FANCB: variants seen among roughly 807,000 people sequenced by gnomAD.
The protein encoded by FANCB is FA complementation group B, also known as Fanconi anemia group B protein.
In FANCB, 5 loss-of-function variants were observed where a neutral mutation model predicts 38.9. The ratio of observed to expected loss-of-function variants is 0.13; its 90% CI spans 0.07 to 0.27. The LOEUF (loss-of-function observed/expected upper bound fraction) is 0.27, where lower values mean the gene tolerates loss of function less well. FANCB is among the 10% of genes least tolerant of loss of function. The pLI is 1.00. For missense variants in FANCB, 573 were observed against 602.7 expected, an observed-to-expected ratio of 0.95 and a Z score of 0.52; for synonymous variants, 236 against 215.4, an observed-to-expected ratio of 1.10 and a Z score of -0.84.
the FANCB span, among the ~76,000 whole-genome samples, chrX:14,777,685 C>T: frequency 3.6e-5 from 4 of 112,132 alleles, no homozygotes; most frequent in Non-Finnish European, 5.6e-5. Flanking sequence ...GACTCATTAG[C>T]ATCACAGTAA....
chrX:14,716,465 G>C, the FANCB span, among the ~76,000 whole-genome samples: 4 of 111,778 alleles, frequency 3.6e-5, no homozygotes, highest in African/African-American at 9.8e-5. Flanking sequence ...TGAGGGAAGA[G>C]ATTGATCCAG....
chrX:14,835,071 T>C (rs1344261049), downstream of FANCB: 3 of 557,434 alleles, frequency 5.4e-6, no homozygotes, highest in Non-Finnish European at 6.4e-6. Context: ...AAGCTTTGGC[T>C]GTACAGACAT....
At chrX:14,870,374 G>T (rs933068861) in intron 1 of FANCB, among the ~76,000 whole-genome samples, 11 of 110,626 alleles carry the variant, frequency 9.9e-5, no homozygotes, top group African/African-American at 3.6e-4. Context: ...TGGGCTATTT[G>T]ACTTTTTACT....
chrX:14,871,104 T>C lies in FANCB; in HGVS notation c.-192+1882A>G, dbSNP rs146354192. On this transcript the variant is annotated intron_variant, in intron 1 of 9. Transcript: ENST00000650831. The stretch of plus-strand genomic sequence containing the variant: ...TCACCTTTTTCAACATTATCTAATA[T>C]GCCTGAAATGTGAGTAAATGCGGGA... Among the ~76,000 whole-genome samples, 3 of 111,127 alleles carry C rather than the reference T, an allele frequency of 2.7e-5. No homozygotes were observed. In the East Asian group the frequency reaches 8.3e-4, roughly 31 times the overall value.
At chrX:14,872,641 C>G (rs2092504766) in intron 1 of FANCB, among the ~76,000 whole-genome samples, 1 of 86,468 alleles carries the variant, frequency 1.2e-5, no homozygotes. Flanking sequence ...AACCGCCCCC[C>G]CCACACACAC....
At chrX:14,745,936 G>A in the FANCB span, among the ~76,000 whole-genome samples, 4 of 109,391 alleles carry the variant, frequency 3.7e-5, no homozygotes, top group African/African-American at 1.0e-4. Context: ...TCCTGACCTC[G>A]TGATCTGCCC....
chrX:14,850,039 T>C (rs1268902878), intron 7 of FANCB, among the ~76,000 whole-genome samples: 3 of 112,515 alleles, frequency 2.7e-5, no homozygotes, highest in Non-Finnish European at 1.9e-5. Context: ...TTTGGATATA[T>C]TGGGTTAAAT....
At chrX:14,738,243 AT>A in the FANCB span, among the ~76,000 whole-genome samples, 3 of 112,581 alleles carry the variant, frequency 2.7e-5, no homozygotes, top group African/African-American at 9.7e-5. Flanking sequence ...CAGAGAAAAT[AT>A]TTTGAGTACC....
At chrX:14,707,328 C>T in the FANCB span, among the ~76,000 whole-genome samples, 2 of 111,558 alleles carry the variant, frequency 1.8e-5, no homozygotes, top group Admixed American at 9.5e-5. Flanking sequence ...TCAGTTTCTT[C>T]ATCTGTAGAA....
intron 6 of FANCB, among the ~76,000 whole-genome samples, chrX:14,852,218 G>C (rs1298188878): frequency 9.3e-6 from 1 of 107,306 alleles, no homozygotes; most frequent in Non-Finnish European, 1.9e-5. Flanking sequence ...ACCCAGGCTG[G>C]AGTGCAATGG....
downstream of FANCB, among the ~76,000 whole-genome samples, chrX:14,838,626 T>TTAC (rs111974814): frequency 0.083 from 9,210 of 111,541 alleles, 859 homozygotes; most frequent in African/African-American, 0.26. Context: ...CATAACCAAA[T>TTAC]TGAGTCATTC....
At chrX:14,690,861 T>C in the FANCB span, 1 of 1,208,767 alleles carries the variant, frequency 8.3e-7, no homozygotes. Flanking sequence ...CAGAATAAGG[T>C]ATGATTGCCC....
the FANCB span, among the ~76,000 whole-genome samples, chrX:14,820,523 TG>T: frequency 8.0e-5 from 9 of 112,162 alleles, no homozygotes; most frequent in African/African-American, 2.9e-4. Flanking sequence ...ACAAGGACTT[TG>T]TAAGAGTTTA....
At chrX:14,723,039 C>T in the FANCB span, among the ~76,000 whole-genome samples, 25 of 112,198 alleles carry the variant, frequency 2.2e-4, no homozygotes, top group African/African-American at 7.8e-4. Flanking sequence ...GTCTTGCAAA[C>T]AGTTTGGGGT....
At chrX:14,829,212 G>A in the FANCB span, among the ~76,000 whole-genome samples, 2 of 111,750 alleles carry the variant, frequency 1.8e-5, no homozygotes, top group African/African-American at 6.5e-5. Flanking sequence ...AAATCTTTTT[G>A]TTCTGAGCAG....
intron 2 of FANCB, among the ~76,000 whole-genome samples, chrX:14,865,987 A>G (rs1478085213): frequency 9.0e-6 from 1 of 111,657 alleles, no homozygotes; most frequent in Non-Finnish European, 1.9e-5. Flanking sequence ...CAATTCAATT[A>G]GGGGTTTACT....
the FANCB span, among the ~76,000 whole-genome samples, chrX:14,740,824 A>G: frequency 9.0e-6 from 1 of 111,623 alleles, no homozygotes. Context: ...TTCTCTGACC[A>G]CCTTGTATAA....
the FANCB span, among the ~76,000 whole-genome samples, chrX:14,804,574 T>C: frequency 1.8e-5 from 2 of 111,227 alleles, no homozygotes; most frequent in South Asian, 7.6e-4. Flanking sequence ...ACATGGCACA[T>C]GTATACATAT....
the FANCB span, among the ~76,000 whole-genome samples, chrX:14,693,045 C>CA: frequency 1.2e-3 from 90 of 73,165 alleles, no homozygotes; most frequent in East Asian, 3.0e-3. Flanking sequence ...AGTATAATAA[C>CA]AAAAAAAAAA....
Sources: gnomAD v4.1 joint callset for allele counts (sites outside exome capture counted in the v4.1 genomes callset) on GRCh38, gnomAD v4.1.1 for gene constraint, MANE v1.5 for transcripts, NCBI Gene and HGNC (gene_info 2026-07-23, HGNC 2026-07-21) for gene names.